The following PPM1F variants were observed in gnomAD, a reference collection of about 807,000 sequenced individuals.
The protein encoded by PPM1F is protein phosphatase, Mg2+/Mn2+ dependent 1F.
Under a neutral mutation model 35.5 loss-of-function variants are expected in PPM1F, and 17 were observed. The ratio of observed to expected loss-of-function variants is 0.48; its 90% CI spans 0.33 to 0.72. The LOEUF is 0.72. Ranked by LOEUF, PPM1F falls within the 30% of genes least tolerant of loss-of-function variation. The pLI is 0.02. For synonymous variants in PPM1F, 241 were observed against 255.5 expected, an observed-to-expected ratio of 0.94 and a Z score of 0.54; for missense variants, 521 against 613.0, an observed-to-expected ratio of 0.85 and a Z score of 1.59.
chr22:21,949,665 G>C (rs951597334), intron 1 of PPM1F: 2 of 152,324 alleles, frequency 1.3e-5, no homozygotes, highest in African/African-American at 4.8e-5. Flanking sequence ...GAAAAACTCC[G>C]AATAAGAGGG....
intron 1 of PPM1F, chr22:21,949,021 G>C (rs1483711343): frequency 6.6e-6 from 1 of 152,410 alleles, no homozygotes; most frequent in African/African-American, 2.4e-5. Context: ...CCTCCTGTCT[G>C]CACTACAGAC....
chr22:21,932,461 T>A (rs1434046727), intron 5 of PPM1F, among the ~76,000 whole-genome samples: 1 of 152,202 alleles, frequency 6.6e-6, no homozygotes, highest in Non-Finnish European at 1.5e-5. Context: ...CATGAAGGTC[T>A]GTGCTCAGAG....
At chr22:21,929,652 A>G (rs912792981) in intron 6 of PPM1F, among the ~76,000 whole-genome samples, 3 of 152,174 alleles carry the variant, frequency 2.0e-5, no homozygotes, top group Non-Finnish European at 4.4e-5. Flanking sequence ...AGAGCCCACT[A>G]GGGAGCAGGT....
At position 21,937,406 on chromosome 22, in the gene PPM1F, T is replaced by C. The variant is rs115550191; in HGVS notation, c.355+2126A>G. Among the ~76,000 whole-genome samples, 290 of 152,222 alleles carry C rather than the reference T, an allele frequency of 1.9e-3. 1 individual carries two copies. Among genetic ancestry groups the C allele is most frequent in the African/African-American group, 6.6e-3 (273 of 41,542 alleles). On this transcript the variant is annotated intron_variant, in intron 3 of 7. Transcript: ENST00000263212. ...CAACACAGGGGCCTATTCAAGCATT[T>C]GGCAAGAACTGGGGACTGGCAAGGC...
chr22:21,938,324 C>T, intron 3 of PPM1F: 1 of 1,210,754 alleles, frequency 8.3e-7, no homozygotes, highest in Non-Finnish European at 1.1e-6. Flanking sequence ...TGCCACCGGC[C>T]GGAAGCCTGC....
chr22:21,931,044 G>A, intron 6 of PPM1F, 104 bp downstream of exon 6: 2 of 1,534,924 alleles, frequency 1.3e-6, no homozygotes, highest in South Asian at 1.3e-5. Context: ...AAAGGTGCCA[G>A]GATTACTACT....
rs959475653 is a variant in PPM1F at position 21,938,049 on chromosome 22, G to C, written c.355+1483C>G. ...CCGTGACAGGGAGAGCATGATCAAG[G>C]CCGCTAGGCAGGCCTGCATGCGAGG... On this transcript the variant is annotated intron_variant, in intron 3 of 7. Coordinates refer to ENST00000263212, the MANE Select transcript of PPM1F (RefSeq NM_014634.4). 2.0e-4 allele frequency: 247 copies of C among 1,221,374 alleles called. 1 individual carries two copies. Among genetic ancestry groups the C allele is most frequent in the Non-Finnish European group, 6.5e-5 (62 of 949,560 alleles). 75.7% of individuals were successfully genotyped at this position (1,221,374 alleles called of 1,614,324 possible). A position where few individuals can be genotyped will look rare whatever the true frequency, so the allele number is the denominator to read the frequency against.
chr22:21,940,500 A>T (rs544552240), intron 2 of PPM1F: 1 of 130,650 alleles, frequency 7.7e-6, no homozygotes, highest in Admixed American at 7.6e-5. Flanking sequence ...TTGGGGGAGG[A>T]ATTTGGACAC....
chr22:21,941,745 A>C (rs912769888), intron 2 of PPM1F: 1 of 152,362 alleles, frequency 6.6e-6, no homozygotes, highest in African/African-American at 2.4e-5. Context: ...AACAGAGCTG[A>C]GCAGTTGAGG....
At chr22:21,940,663 C>T (rs2070715780) in intron 2 of PPM1F, 2 of 152,236 alleles carry the variant, frequency 1.3e-5, no homozygotes, top group Non-Finnish European at 2.9e-5. Flanking sequence ...CCTCCAGCAC[C>T]ATGAAGCACA....
rs1200553660 is a variant in PPM1F, at chr22:21,933,452, C to T, written c.686G>A (p.Gly229Glu). 1 of 1,613,276 alleles carries T rather than the reference C, an allele frequency of 6.2e-7. No homozygotes were observed. The highest frequency in any genetic ancestry group is 8.5e-7 in the Non-Finnish European group (1 of 1,180,014). Residue 229 changes from glycine to glutamate, a missense_variant, in exon 5 of 8, where the codon GGA becomes GAA. By Grantham distance (98) the Gly-to-Glu change is moderately conservative (BLOSUM62 -2). Transcript: ENST00000263212. ...RQPELPTDPEGALREAFRRTD... is the reference protein window; with the variant it reads ...RQPELPTDPEEALREAFRRTD... ...GCGCCGGAAGGCTTCTCTGAGGGCTCCCTCAGGGTCTGTGGGCAGCTCTGG... is the reference window on the plus strand; with the variant it reads ...GCGCCGGAAGGCTTCTCTGAGGGCTTCCTCAGGGTCTGTGGGCAGCTCTGG...
At chr22:21,938,268 G>T (rs2070684323) in intron 3 of PPM1F, 1 of 1,283,950 alleles carries the variant, frequency 7.8e-7, no homozygotes, top group Non-Finnish European at 1.0e-6. Context: ...GGCCTGGGCG[G>T]TGGCGGCGCC....
At chr22:21,926,701 G>A (rs980044953) in intron 6 of PPM1F, among the ~76,000 whole-genome samples, 6 of 152,172 alleles carry the variant, frequency 3.9e-5, no homozygotes, top group African/African-American at 1.4e-4. Flanking sequence ...TCTACTGGGG[G>A]AAGAGGGCAT....
rs759193262 is a variant in PPM1F, at chr22:21,925,547, G to A, written c.985+22C>T. On this transcript the variant is annotated intron_variant, in intron 7 of 7. Coordinates refer to ENST00000263212, the MANE Select transcript of PPM1F (RefSeq NM_014634.4). ...CTTCCGAGAGACCTTCTCCCACTTGGGTCGGCCTCTTTGGCTCTCACCGAT... is the reference window on the plus strand; with the variant it reads ...CTTCCGAGAGACCTTCTCCCACTTGAGTCGGCCTCTTTGGCTCTCACCGAT... 5 of 1,609,428 alleles carry A rather than the reference G, an allele frequency of 3.1e-6. No homozygotes were observed. In the African/African-American group the frequency reaches 5.3e-5, roughly 17 times the overall value.
intron 5 of PPM1F, among the ~76,000 whole-genome samples, chr22:21,931,979 AT>A (rs754346108): frequency 1.0e-4 from 15 of 148,202 alleles, no homozygotes; most frequent in African/African-American, 1.5e-4. Context: ...TACCTGGCTA[AT>A]TTTTTTTTTT....
intron 3 of PPM1F, chr22:21,935,641 G>A (rs570471885): frequency 6.6e-6 from 1 of 152,336 alleles, no homozygotes; most frequent in South Asian, 2.1e-4. Context: ...GGCTGAGGTG[G>A]GAGGACTGCT....
At chr22:21,929,519 C>T (rs2070563098) in intron 6 of PPM1F, among the ~76,000 whole-genome samples, 1 of 152,196 alleles carries the variant, frequency 6.6e-6, no homozygotes, top group Admixed American at 6.5e-5. Context: ...TGAACAGAGC[C>T]CCCACTGGGC....
intron 1 of PPM1F, 59 bp from the exon 2 acceptor site, chr22:21,946,167 G>T: frequency 2.5e-6 from 2 of 795,624 alleles, no homozygotes; most frequent in Non-Finnish European, 3.8e-6. Context: ...CAATGCAGGT[G>T]CCCACCTGCA....
At chr22:21,950,330 C>G (rs1160551514) in intron 1 of PPM1F, 1 of 152,144 alleles carries the variant, frequency 6.6e-6, no homozygotes, top group East Asian at 1.9e-4. Context: ...ATCTTTGGAT[C>G]CAGCATGCTC....
Sources: allele counts gnomAD v4.1 joint callset (sites outside exome capture counted in the v4.1 genomes callset), GRCh38; gene constraint gnomAD v4.1.1; transcripts MANE v1.5; gene names NCBI Gene and HGNC (gene_info 2026-07-23, HGNC 2026-07-21).